ZNF800: variants seen among roughly 807,000 people sequenced by gnomAD.
ZNF800 encodes zinc finger protein 800.
ZNF800 carries 13 observed loss-of-function variants against 59.5 expected under a neutral mutation model. That is an observed-to-expected ratio of 0.22 (90% CI 0.14 to 0.35). The LOEUF is 0.35. ZNF800 is among the 10% of genes least tolerant of loss of function. The pLI, the probability that ZNF800 is intolerant of heterozygous loss-of-function variation, is 1.00. For synonymous variants in ZNF800, 266 were observed against 265.7 expected (o/e 1.00, Z -0.01); for missense variants, 621 against 783.7 (o/e 0.79, Z 2.48).
Position 127,373,966 on chromosome 7 carries a change from C to A in ZNF800, c.1370G>T (p.Ser457Ile). 6.2e-7 allele frequency: 1 copy of A among 1,613,922 alleles called. No homozygotes were observed. The highest frequency in any genetic ancestry group is 8.5e-7 in the Non-Finnish European group (1 of 1,179,962). Reference protein sequence around the residue: ...QKNKVKQDSESPKSTSPSAAG... With the variant: ...QKNKVKQDSEIPKSTSPSAAG... ...AGCCGACGGACTAGTTGATTTAGGG[C>A]TTTCAGAGTCTTGTTTAACTTTATT... The change falls in exon 5 of 6, where the codon AGC (serine) becomes ATC (isoleucine). Residue 457 changes from serine to isoleucine, a missense_variant. By Grantham distance (142) the Ser-to-Ile change is moderately radical. Transcript: ENST00000265827.
chr7:127,374,826 T>G lies in ZNF800; in HGVS notation c.510A>C (p.Ile170=). 6.2e-7 allele frequency: 1 copy of G among 1,613,508 alleles called. No homozygotes were observed. The highest frequency in any genetic ancestry group is 8.5e-7 in the Non-Finnish European group (1 of 1,179,760). The change falls in exon 5 of 6, where the codon ATA becomes ATC. Residue 170 remains isoleucine, a synonymous_variant. Coordinates refer to ENST00000265827, the MANE Select transcript of ZNF800 (RefSeq NM_176814.5). ...SSTPEQTEVQ[I]QETSTEQSKT... is the part of the protein sequence containing the mutation. ...TTGACTGTTCAGTGCTAGTTTCCTG[T>G]ATCTGAACTTCGGTTTGTTCAGGAG... is the stretch of plus-strand genomic sequence containing the variant.
downstream of ZNF800, among the ~76,000 whole-genome samples, chr7:127,368,004 A>C (rs1800549187): frequency 2.6e-5 from 4 of 152,120 alleles, no homozygotes; most frequent in South Asian, 8.3e-4. Context: ...TGAAAATAAT[A>C]AGCCTCCCAA....
downstream of ZNF800, among the ~76,000 whole-genome samples, chr7:127,345,951 A>C (rs1165997219): frequency 2.6e-5 from 4 of 152,172 alleles, no homozygotes; most frequent in Non-Finnish European, 5.9e-5. Flanking sequence ...TTAAGATGAA[A>C]GACACTGGAG....
Position 127,370,357 on chromosome 7 carries a change from G to A in ZNF800, c.*1457C>T, listed in dbSNP as rs548349298. ...CACCTTTGCTGAAGCACATTTAGCT[G>A]AAATAACTTCGATTCTGGTTTATTT... On this transcript the variant is annotated 3_prime_UTR_variant, in exon 6 of 6. Transcript: ENST00000265827. The A allele has an allele frequency of 6.5e-6, 1 of 152,682 alleles. No individual in the cohort carries two copies. Among genetic ancestry groups the A allele is most frequent in the East Asian group, 1.9e-4 (1 of 5,190 alleles). 9.5% of individuals were successfully genotyped at this position (152,682 alleles called of 1,614,324 possible).
chr7:127,374,036 T>C lies in ZNF800; in HGVS notation c.1300A>G (p.Thr434Ala). ...THSPQNELKG[T>A]NHSNEKKNTP... ...TTCTTTTTTTCATTTGAATGATTTG[T>C]TCCCTTTAATTCATTCTGTGGAGAA... Residue 434 changes from threonine to alanine, a missense_variant, in exon 5 of 6, where the codon ACA becomes GCA. Physicochemically the swap from Thr to Ala is moderately conservative, Grantham distance 58. Transcript: ENST00000265827. The C allele has an allele frequency of 1.2e-6, 2 of 1,614,108 alleles. No homozygotes were observed. The highest frequency in any genetic ancestry group is 2.2e-5 in the East Asian group (1 of 44,876).
At chr7:127,346,906 G>A (rs1800075702) in exon 2 of ZNF800, 1 of 152,488 alleles carries the variant, frequency 6.6e-6, no homozygotes, top group Non-Finnish European at 1.5e-5. Context: ...AGCCGGCTCA[G>A]GTGTTTCCAA....
Position 127,374,329 on chromosome 7 carries a change from G to A in ZNF800, c.1007C>T (p.Ser336Phe), listed in dbSNP as rs1467106752. The change falls in exon 5 of 6, where the codon TCT becomes TTT. Residue 336 changes from serine to phenylalanine, a missense_variant. Coordinates refer to ENST00000265827, the MANE Select transcript of ZNF800 (RefSeq NM_176814.5). ...TCGAGTCTTAAAAGATTTTTTAGGA[G>A]AAATAGAATCCAGGAACAAAGGTTG... is the stretch of plus-strand genomic sequence containing the variant. Reference protein sequence around the residue: ...PGQPLFLDSISPKKSFKTRKQ... With the variant: ...PGQPLFLDSIFPKKSFKTRKQ... The A allele has an allele frequency of 6.2e-7, 1 of 1,613,528 alleles. No homozygotes were observed. The highest frequency in any genetic ancestry group is 1.3e-5 in the African/African-American group (1 of 74,954).
intron 3 of ZNF800, among the ~76,000 whole-genome samples, chr7:127,380,881 G>T (rs1364632080): frequency 6.6e-6 from 1 of 152,154 alleles, no homozygotes; most frequent in Non-Finnish European, 1.5e-5. Context: ...AAAGGCTTTT[G>T]ATAGCTAAAG....
downstream of ZNF800, among the ~76,000 whole-genome samples, chr7:127,345,303 C>G (rs189997083): frequency 1.3e-5 from 2 of 151,614 alleles, no homozygotes; most frequent in African/African-American, 2.4e-5. Context: ...AGACCCCCCC[C>G]CCAAAGGTAA....
At chr7:127,354,146 A>G (rs566263479) in intron 1 of ZNF800, among the ~76,000 whole-genome samples, 1 of 152,282 alleles carries the variant, frequency 6.6e-6, no homozygotes, top group African/African-American at 2.4e-5. Flanking sequence ...TCATCTGCCA[A>G]TTCTTTCTCA....
chr7:127,348,097 G>A (rs185590048), intron 1 of ZNF800: 28 of 152,004 alleles, frequency 1.8e-4, no homozygotes, highest in African/African-American at 6.7e-4. Context: ...AAAGATATGC[G>A]GGTTAGAAAC....
chr7:127,349,134 TTTGC>T (rs1800126357), intron 1 of ZNF800, among the ~76,000 whole-genome samples: 1 of 152,164 alleles, frequency 6.6e-6, no homozygotes, highest in Non-Finnish European at 1.5e-5. Flanking sequence ...GAACACACAG[TTTGC>T]TAAAAACAGA....
chr7:127,360,108 T>C (rs1800366236), intron 1 of ZNF800: 1 of 152,048 alleles, frequency 6.6e-6, no homozygotes, highest in Non-Finnish European at 1.5e-5. Context: ...ATCATATATA[T>C]GTTAAGGTTT....
intron 1 of ZNF800, among the ~76,000 whole-genome samples, chr7:127,355,130 C>T (rs1800243632): frequency 1.3e-5 from 2 of 151,852 alleles, no homozygotes; most frequent in African/African-American, 4.8e-5. Flanking sequence ...CTGAAAATCA[C>T]CCATATATCT....
Position 127,392,049 on chromosome 7 carries a change from G to T in ZNF800, c.-59+11C>A, listed in dbSNP as rs1052600220. The T allele has an allele frequency of 7.7e-6, 3 of 389,112 alleles. No individual in the cohort carries two copies. Among genetic ancestry groups the T allele is most frequent in the Non-Finnish European group, 1.4e-5 (3 of 220,118 alleles). 24.1% of individuals were successfully genotyped at this position (389,112 alleles called of 1,614,324 possible). On this transcript the variant is annotated intron_variant, in intron 1 of 5. Coordinates refer to ENST00000265827, the MANE Select transcript of ZNF800 (RefSeq NM_176814.5). Reference sequence around the variant, plus strand: ...AGACCCCGTCCCCACAACCAAGTGCGCCCAACTTACTCAACTCTTAGGGCG... The same window carrying T: ...AGACCCCGTCCCCACAACCAAGTGCTCCCAACTTACTCAACTCTTAGGGCG...
intron 5 of ZNF800, chr7:127,372,910 C>A: frequency 1.0e-6 from 1 of 984,620 alleles, no homozygotes; most frequent in South Asian, 4.7e-5. Context: ...CTATAGTTAT[C>A]GCCTTCACAA....
At chr7:127,351,195 C>G (rs2117018247) in intron 1 of ZNF800, among the ~76,000 whole-genome samples, 1 of 152,312 alleles carries the variant, frequency 6.6e-6, no homozygotes, top group South Asian at 2.1e-4. Context: ...ACTCCCCTTA[C>G]ACTATTGTTT....
At chr7:127,362,998 G>A (rs1002475822) in intron 1 of ZNF800, 7 of 152,128 alleles carry the variant, frequency 4.6e-5, no homozygotes, top group African/African-American at 1.7e-4. Context: ...GAGGCAGGAT[G>A]GATAGGCATT....
chr7:127,360,354 G>C (rs1800370453), intron 1 of ZNF800: 1 of 152,060 alleles, frequency 6.6e-6, no homozygotes, highest in Non-Finnish European at 1.5e-5. Flanking sequence ...CCAAAGTACA[G>C]AACTCCTTTA....
Sources: gnomAD v4.1 joint callset for allele counts (sites outside exome capture counted in the v4.1 genomes callset) on GRCh38, gnomAD v4.1.1 for gene constraint, MANE v1.5 for transcripts, NCBI Gene and HGNC (gene_info 2026-07-23, HGNC 2026-07-21) for gene names.